OR5A1: variants seen among roughly 807,000 people sequenced by gnomAD.
The protein encoded by OR5A1 is olfactory receptor 5A1.
OR5A1 carries 6 observed loss-of-function variants against 6.7 expected under a neutral mutation model. The observed-to-expected ratio is 0.89, with a 90% CI of 0.49 to 1.76. The LOEUF (loss-of-function observed/expected upper bound fraction) is 1.76. Ranked by LOEUF, OR5A1 falls within the 40% of genes most tolerant of loss-of-function variation. The pLI is 0.01. For missense variants in OR5A1, 378 were observed against 381.7 expected (o/e 0.99, Z 0.08); for synonymous variants, 170 against 155.0 (o/e 1.10, Z -0.72).
rs748560788 is a variant in OR5A1, at chr11:59,443,351, C to T, written c.183C>T (p.Pro61=). Residue 61 remains proline, a synonymous_variant, in exon 2 of 2, where the codon CCC becomes CCT. Coordinates refer to ENST00000641045, the MANE Select transcript of OR5A1 (RefSeq NM_001004728.2). ...LIRGDTHLHT[P]MYFFLSNLSF... ...GAGGTGACACCCATCTGCACACACC[C>T]ATGTACTTCTTCCTAAGCAACTTAT... The T allele has an allele frequency of 1.9e-6, 3 of 1,613,770 alleles. No individual in the cohort carries two copies. Among genetic ancestry groups the T allele is most frequent in the Non-Finnish European group, 2.5e-6 (3 of 1,180,036 alleles).
In OR5A1 at chr11:59,444,374, C is replaced by CACAATAACT. The variant is rs1858524122; in HGVS notation, c.*260_*268dup. The CACAATAACT allele has an allele frequency of 3.4e-6, 1 of 294,762 alleles. No homozygotes were observed. Among genetic ancestry groups the CACAATAACT allele is most frequent in the Non-Finnish European group, 6.3e-6 (1 of 157,542 alleles). 18.3% of individuals were successfully genotyped at this position (294,762 alleles called of 1,614,324 possible). ...CAGGATAACCTATTTTCACAATAATCACAATAACTAGCCTTTATTGGGCCC... is the reference window on the plus strand; with the variant it reads ...CAGGATAACCTATTTTCACAATAATCACAATAACTACAATAACTAGCCTTTATTGGGCCC... On this transcript the variant is annotated 3_prime_UTR_variant, in exon 2 of 2. Transcript: ENST00000641045.
chr11:59,441,499 G>A (rs1302781009), intron 1 of OR5A1, among the ~76,000 whole-genome samples: 1 of 152,174 alleles, frequency 6.6e-6, no homozygotes, highest in Non-Finnish European at 1.5e-5. Flanking sequence ...AAGAACTGAA[G>A]AAGGATCAAG....
At position 59,448,912 on chromosome 11, in the gene OR5A1, A is replaced by C. The variant is rs1858583993; in HGVS notation, c.*4796A>C. On this transcript the variant is annotated 3_prime_UTR_variant, in exon 2 of 2. Coordinates refer to ENST00000641045, the MANE Select transcript of OR5A1 (RefSeq NM_001004728.2). ...TGATGAAATTTCTGTAATCGTTATCATACAAGGACTTTGCATCAAATTTGA... is the reference window on the plus strand; with the variant it reads ...TGATGAAATTTCTGTAATCGTTATCCTACAAGGACTTTGCATCAAATTTGA... 1 of 152,162 alleles carries C rather than the reference A, an allele frequency of 6.6e-6. No individual in the cohort carries two copies. Among genetic ancestry groups the C allele is most frequent in the East Asian group, 1.9e-4 (1 of 5,190 alleles). 9.4% of individuals were successfully genotyped at this position (152,162 alleles called of 1,614,324 possible). A position where few individuals can be genotyped will look rare whatever the true frequency, so the allele number is the denominator to read the frequency against.
Position 59,443,887 on chromosome 11 carries a change from C to A in OR5A1, c.719C>A (p.Ala240Asp), listed in dbSNP as rs767342281. Residue 240 changes from alanine to aspartate, a missense_variant, in exon 2 of 2, where the codon GCC becomes GAC. Physicochemically the swap from Ala to Asp is moderately radical, Grantham distance 126. Transcript: ENST00000641045. ...KIPSAEGRWKACNTCASHLMV... is the reference protein window; with the variant it reads ...KIPSAEGRWKDCNTCASHLMV... ...CCTTCAGCAGAGGGCCGATGGAAAGCCTGCAACACGTGTGCCTCGCATCTG... is the reference window on the plus strand; with the variant it reads ...CCTTCAGCAGAGGGCCGATGGAAAGACTGCAACACGTGTGCCTCGCATCTG... 7.4e-5 allele frequency: 120 copies of A among 1,613,990 alleles called. No homozygotes were observed. Among genetic ancestry groups the A allele is most frequent in the Non-Finnish European group, 9.9e-5 (117 of 1,179,998 alleles).
In OR5A1 at chr11:59,443,344, A is replaced by C. The variant is rs147186459; in HGVS notation, c.176A>C (p.His59Pro). 3.1e-6 allele frequency: 5 copies of C among 1,613,694 alleles called. No individual in the cohort carries two copies. The highest frequency in any genetic ancestry group is 4.2e-6 in the Non-Finnish European group (5 of 1,180,010). The change falls in exon 2 of 2, where the codon CAC becomes CCC. Residue 59 changes from histidine (H) to proline (P), a missense_variant. By Grantham distance (77) the His-to-Pro change is moderately conservative. Transcript: ENST00000641045. ...IFLIRGDTHL[H>P]TPMYFFLSNL... ...CTGATCAGAGGTGACACCCATCTGC[A>C]CACACCCATGTACTTCTTCCTAAGC...
In OR5A1 at chr11:59,446,546, C is replaced by T. The variant is rs1349675135; in HGVS notation, c.*2430C>T. ...TTCACAGTTTGGTGTCCTTTTTGAT[C>T]ACCACACCCTGAATTCCCCTTGCTA... On this transcript the variant is annotated 3_prime_UTR_variant, in exon 2 of 2. Transcript: ENST00000641045. The T allele has an allele frequency of 6.6e-6, 1 of 152,200 alleles. No individual in the cohort carries two copies. The highest frequency in any genetic ancestry group is 1.5e-5 in the Non-Finnish European group (1 of 68,038). The allele number at this position is 152,200 out of a possible 1,614,324, so 9.4% of individuals were successfully genotyped here.
intron 1 of OR5A1, among the ~76,000 whole-genome samples, chr11:59,442,378 G>A (rs963660142): frequency 2.0e-5 from 3 of 152,140 alleles, no homozygotes; most frequent in Non-Finnish European, 4.4e-5. Flanking sequence ...GGAGGCGGAG[G>A]TTGCGGTGAC....
Position 59,444,369 on chromosome 11 carries a change from A to C in OR5A1, c.*253A>C. The C allele has an allele frequency of 3.3e-6, 1 of 303,116 alleles. No individual in the cohort carries two copies. 18.8% of individuals were successfully genotyped at this position (303,116 alleles called of 1,614,324 possible). A position where few individuals can be genotyped will look rare whatever the true frequency, so the allele number is the denominator to read the frequency against. ...CTCCCCAGGATAACCTATTTTCACA[A>C]TAATCACAATAACTAGCCTTTATTG... On this transcript the variant is annotated 3_prime_UTR_variant, in exon 2 of 2. Transcript: ENST00000641045.
chr11:59,449,812 C>T lies in OR5A1; in HGVS notation c.*5696C>T, dbSNP rs1361216743. 2 of 152,124 alleles carry T rather than the reference C, an allele frequency of 1.3e-5. No homozygotes were observed. The highest frequency in any genetic ancestry group is 6.5e-5 in the Admixed American group (1 of 15,268). The allele number at this position is 152,124 out of a possible 1,614,324, so 9.4% of individuals were successfully genotyped here. A position where few individuals can be genotyped will look rare whatever the true frequency, so the allele number is the denominator to read the frequency against. On this transcript the variant is annotated 3_prime_UTR_variant, in exon 2 of 2. Transcript: ENST00000641045. ...AAATACTTGTTGGGGAACTACTGCA[C>T]ATCAGGAGTTGCAAATGGACACCCC... is the stretch of plus-strand genomic sequence containing the variant.
In OR5A1 at chr11:59,449,834, C is replaced by A. The variant is rs1858596982; in HGVS notation, c.*5718C>A. ...GCACATCAGGAGTTGCAAATGGACA[C>A]CCCTTTGTTCATTCATCTTCAAAAA... On this transcript the variant is annotated 3_prime_UTR_variant, in exon 2 of 2. Coordinates refer to ENST00000641045, the MANE Select transcript of OR5A1 (RefSeq NM_001004728.2). 1 of 152,244 alleles carries A rather than the reference C, an allele frequency of 6.6e-6. No individual in the cohort carries two copies. Among genetic ancestry groups the A allele is most frequent in the Middle Eastern group, 3.4e-3 (1 of 294 alleles). 9.4% of individuals were successfully genotyped at this position (152,244 alleles called of 1,614,324 possible). A position where few individuals can be genotyped will look rare whatever the true frequency, so the allele number is the denominator to read the frequency against.
At position 59,441,367 on chromosome 11, in the gene OR5A1, A is replaced by G. The variant is rs554206365; in HGVS notation, c.-33-1769A>G. ...GTTTCCTTTTTTTTATTAATCAGGA[A>G]CATGATTTTTTGTTTCAATAGTTCA... is the stretch of plus-strand genomic sequence containing the variant. On this transcript the variant is annotated intron_variant, in intron 1 of 1. Transcript: ENST00000641045. Among the ~76,000 whole-genome samples the G allele has an allele frequency of 2.6e-4, 39 of 152,334 alleles. No homozygotes were observed. In the South Asian group the frequency reaches 7.5e-3, roughly 29 times the overall value.
rs1452606552 is a variant in OR5A1 at position 59,450,443 on chromosome 11, C to T, written c.*6327C>T. On this transcript the variant is annotated 3_prime_UTR_variant, in exon 2 of 2. Coordinates refer to ENST00000641045, the MANE Select transcript of OR5A1 (RefSeq NM_001004728.2). ...AAAGAAAAATTAGAGCTGTCTTTCC[C>T]ACACACCCTTTTCCATAATAAGTCA... 6.6e-6 allele frequency: 1 copy of T among 152,160 alleles called. No individual in the cohort carries two copies. Among genetic ancestry groups the T allele is most frequent in the Non-Finnish European group, 1.5e-5 (1 of 68,044 alleles). 9.4% of individuals were successfully genotyped at this position (152,160 alleles called of 1,614,324 possible). A position where few individuals can be genotyped will look rare whatever the true frequency, so the allele number is the denominator to read the frequency against.
Position 59,443,906 on chromosome 11 carries a change from G to T in OR5A1, c.738G>T (p.Ser246=). The T allele has an allele frequency of 6.2e-7, 1 of 1,614,054 alleles. No homozygotes were observed. The highest frequency in any genetic ancestry group is 8.5e-7 in the Non-Finnish European group (1 of 1,179,988). The change falls in exon 2 of 2, where the codon TCG becomes TCT. Residue 246 remains serine, a synonymous_variant. Coordinates refer to ENST00000641045, the MANE Select transcript of OR5A1 (RefSeq NM_001004728.2). ...GGAAAGCCTGCAACACGTGTGCCTC[G>T]CATCTGATGGTGGTGACTCTGCTGT... ...GRWKACNTCA[S]HLMVVTLLFG...
In OR5A1 at chr11:59,448,339, GTCCTAAACTGAAGTTCCA is replaced by G. The variant is rs1858575535; in HGVS notation, c.*4227_*4244del. ...TTACTTCACTCTGATCCTCTAAGAA[GTCCTAAACTGAAGTTCCA>G]TCCACGACTATGAGGGGCCACTAGA... On this transcript the variant is annotated 3_prime_UTR_variant, in exon 2 of 2. Coordinates refer to ENST00000641045, the MANE Select transcript of OR5A1 (RefSeq NM_001004728.2). 1.3e-5 allele frequency: 2 copies of G among 152,030 alleles called. No homozygotes were observed. The highest frequency in any genetic ancestry group is 1.3e-4 in the Admixed American group (2 of 15,254). The allele number at this position is 152,030 out of a possible 1,614,324, so 9.4% of individuals were successfully genotyped here.
rs544746016 is a variant in OR5A1 at position 59,445,132 on chromosome 11, C to G, written c.*1016C>G. On this transcript the variant is annotated 3_prime_UTR_variant, in exon 2 of 2. Transcript: ENST00000641045. Reference sequence around the variant, plus strand: ...TCACCTAGGTATTAAGCCCCACATCCGTTAGCTATTTATCCCGATGCTCTC... The same window carrying G: ...TCACCTAGGTATTAAGCCCCACATCGGTTAGCTATTTATCCCGATGCTCTC... 12 of 152,186 alleles carry G rather than the reference C, an allele frequency of 7.9e-5. No homozygotes were observed. The highest frequency in any genetic ancestry group is 2.9e-4 in the African/African-American group (12 of 41,524). 9.4% of individuals were successfully genotyped at this position (152,186 alleles called of 1,614,324 possible).
intron 1 of OR5A1, among the ~76,000 whole-genome samples, chr11:59,439,781 A>G (rs1858461566): frequency 6.6e-6 from 1 of 152,166 alleles, no homozygotes; most frequent in Non-Finnish European, 1.5e-5. Context: ...TCAGACTCCA[A>G]TCATTAAGTT....
In OR5A1 at chr11:59,450,011, A is replaced by C. The variant is rs1441198513; in HGVS notation, c.*5895A>C. The C allele has an allele frequency of 6.6e-6, 1 of 152,224 alleles. No individual in the cohort carries two copies. The highest frequency in any genetic ancestry group is 1.5e-5 in the Non-Finnish European group (1 of 68,054). 9.4% of individuals were successfully genotyped at this position (152,224 alleles called of 1,614,324 possible). A position where few individuals can be genotyped will look rare whatever the true frequency, so the allele number is the denominator to read the frequency against. The stretch of plus-strand genomic sequence containing the variant: ...GGAGTAAAAAGTGCTAGATTATCAC[A>C]AGCAAGCCTCACTATGCAAAGTAAG... On this transcript the variant is annotated 3_prime_UTR_variant, in exon 2 of 2. Transcript: ENST00000641045.
intron 1 of OR5A1, among the ~76,000 whole-genome samples, chr11:59,438,864 T>TAG (rs1440912965): frequency 1.3e-5 from 2 of 152,242 alleles, no homozygotes; most frequent in African/African-American, 4.8e-5. Flanking sequence ...ATTCTTGAAT[T>TAG]AAAGTCTTGA....
In OR5A1 at chr11:59,448,148, G is replaced by C. The variant is rs902632460; in HGVS notation, c.*4032G>C. The C allele has an allele frequency of 6.6e-6, 1 of 152,138 alleles. No homozygotes were observed. The highest frequency in any genetic ancestry group is 1.5e-5 in the Non-Finnish European group (1 of 68,032). 9.4% of individuals were successfully genotyped at this position (152,138 alleles called of 1,614,324 possible). ...CGTCCTGGGCCGCATGAAGCCCACG[G>C]GCTGTGGGTTGTGCAAGCTTGCTTT... On this transcript the variant is annotated 3_prime_UTR_variant, in exon 2 of 2. Transcript: ENST00000641045.
Sources: allele counts gnomAD v4.1 joint callset (sites outside exome capture counted in the v4.1 genomes callset), GRCh38; gene constraint gnomAD v4.1.1; transcripts MANE v1.5; gene names NCBI Gene and HGNC (gene_info 2026-07-23, HGNC 2026-07-21).